Variants in SEMA6D observed in about 807,000 individuals in gnomAD.
The protein encoded by SEMA6D is semaphorin-6D.
In SEMA6D, 35 loss-of-function variants were observed where a neutral mutation model predicts 106.6. The observed-to-expected ratio is 0.33, with a 90% CI of 0.25 to 0.44. The LOEUF is 0.44. Among genes scored for constraint, SEMA6D ranks in the 20% least tolerant of loss-of-function variants. SEMA6D has a pLI of 1.00. For synonymous variants in SEMA6D, 499 were observed against 487.7 expected, an observed-to-expected ratio of 1.02 and a Z score of -0.31; for missense variants, 1,185 against 1,345.9, an observed-to-expected ratio of 0.88 and a Z score of 1.87.
chr15:47,681,675 CAA>C (rs1182246675), intron 4 of SEMA6D, among the ~76,000 whole-genome samples: 31 of 152,180 alleles, frequency 2.0e-4, no homozygotes, highest in African/African-American at 6.8e-4. Flanking sequence ...CTTTATTAGT[CAA>C]TCACTATATG....
rs1555428920 is a variant in SEMA6D at position 47,367,678 on chromosome 15, A to ACGTGCG, written c.-238-44713_-238-44712insTGCGCG. Among the ~76,000 whole-genome samples the ACGTGCG allele has an allele frequency of 9.4e-5, 13 of 137,632 alleles. No individual in the cohort carries two copies. The East Asian group carries it at 2.1e-3, about 22-fold the overall frequency. The allele number at this position is 137,632 out of a possible 152,430, so 90.3% of individuals were successfully genotyped here. On this transcript the variant is annotated intron_variant, in intron 1 of 19. Transcript: ENST00000558014. ...CCTTCCCCTAAACACGCACGCTCAC[A>ACGTGCG]CGCGCGCGCGCGCGCACACACACAC...
intron 1 of SEMA6D, among the ~76,000 whole-genome samples, chr15:47,758,531 T>G (rs975299803): frequency 1.1e-4 from 17 of 152,192 alleles, no homozygotes; most frequent in Non-Finnish European, 1.5e-5. Flanking sequence ...CTAATTCATC[T>G]TTTTAATAAG....
At chr15:47,313,303 A>T (rs2036517464) in intron 1 of SEMA6D, among the ~76,000 whole-genome samples, 1 of 152,124 alleles carries the variant, frequency 6.6e-6, no homozygotes, top group Admixed American at 6.5e-5. Flanking sequence ...CCTGATGGTG[A>T]CCACTGATCT....
chr15:47,301,365 A>G (rs2036010124), intron 1 of SEMA6D, among the ~76,000 whole-genome samples: 1 of 150,472 alleles, frequency 6.6e-6, no homozygotes, highest in Admixed American at 6.7e-5. Context: ...CAGACTATCT[A>G]CTGTCAGAAA....
intron 3 of SEMA6D, among the ~76,000 whole-genome samples, chr15:47,476,650 G>C (rs2043009550): frequency 6.6e-6 from 1 of 152,044 alleles, no homozygotes. Flanking sequence ...TGGGGGTGGG[G>C]GGAGCATGAA....
At chr15:47,667,307 T>C (rs1391312939) in intron 4 of SEMA6D, among the ~76,000 whole-genome samples, 2 of 152,198 alleles carry the variant, frequency 1.3e-5, no homozygotes, top group African/African-American at 2.4e-5. Context: ...TACATAACAC[T>C]AGGAGTAAGT....
Position 47,347,545 on chromosome 15 carries a change from G to A in SEMA6D, c.-238-64848G>A, listed in dbSNP as rs574832304. 1.1e-4 allele frequency among the ~76,000 whole-genome samples: 16 copies of A among 152,082 alleles called. 1 individual carries two copies. The South Asian group carries it at 3.3e-3, about 32-fold the overall frequency. On this transcript the variant is annotated intron_variant, in intron 1 of 19. Transcript: ENST00000558014. The stretch of plus-strand genomic sequence containing the variant: ...AACTAGAGATATATAAAAACCCACG[G>A]GTAATAAAAGTGTTCAAAGTAATAG...
intron 3 of SEMA6D, among the ~76,000 whole-genome samples, chr15:47,519,477 A>ATC (rs1405187582): frequency 1.3e-5 from 2 of 152,226 alleles, no homozygotes; most frequent in African/African-American, 4.8e-5. Context: ...TTAAGGGGAA[A>ATC]TCTAGTAATC....
chr15:47,215,285 CATT>C (rs1458479639), intron 1 of SEMA6D, among the ~76,000 whole-genome samples: 4 of 151,694 alleles, frequency 2.6e-5, no homozygotes, highest in African/African-American at 4.9e-5. Context: ...TCTAAACTCT[CATT>C]ATTGGAACCA....
At chr15:47,197,449 C>T (rs1015079107) in intron 1 of SEMA6D, among the ~76,000 whole-genome samples, 1 of 150,814 alleles carries the variant, frequency 6.6e-6, no homozygotes, top group Non-Finnish European at 1.5e-5. Flanking sequence ...ATAGACTGCT[C>T]TTCTATCTTG....
intron 1 of SEMA6D, among the ~76,000 whole-genome samples, chr15:47,282,211 G>A (rs985604031): frequency 1.3e-5 from 2 of 152,098 alleles, no homozygotes; most frequent in African/African-American, 2.4e-5. Flanking sequence ...ACTCCACTTT[G>A]TCATGATCCC....
chr15:47,372,867 G>T (rs1208649406), intron 1 of SEMA6D, among the ~76,000 whole-genome samples: 1 of 152,106 alleles, frequency 6.6e-6, no homozygotes, highest in Non-Finnish European at 1.5e-5. Flanking sequence ...GACTGCCCAG[G>T]GTCATTTTCA....
At chr15:47,497,472 C>G (rs1405950457) in intron 3 of SEMA6D, among the ~76,000 whole-genome samples, 1 of 152,080 alleles carries the variant, frequency 6.6e-6, no homozygotes, top group Non-Finnish European at 1.5e-5. Context: ...ATCACATTAA[C>G]ACTGCTATTT....
chr15:47,346,670 C>G (rs2038059048), intron 1 of SEMA6D, among the ~76,000 whole-genome samples: 1 of 152,126 alleles, frequency 6.6e-6, no homozygotes, highest in Non-Finnish European at 1.5e-5. Flanking sequence ...TTGCTTATCT[C>G]TTTCTCTATT....
intron 1 of SEMA6D, among the ~76,000 whole-genome samples, chr15:47,298,208 A>G (rs1459395077): frequency 6.6e-6 from 1 of 152,164 alleles, no homozygotes; most frequent in African/African-American, 2.4e-5. Context: ...CGGAGCTCGC[A>G]CTGGGAATAG....
chr15:47,300,304 A>T (rs1006281116), intron 1 of SEMA6D, among the ~76,000 whole-genome samples: 1 of 152,130 alleles, frequency 6.6e-6, no homozygotes, highest in African/African-American at 2.4e-5. Flanking sequence ...AACCTGGGCC[A>T]CTTGAAAACT....
chr15:47,327,044 G>A (rs1035596903), intron 1 of SEMA6D, among the ~76,000 whole-genome samples: 16 of 152,158 alleles, frequency 1.1e-4, no homozygotes, highest in African/African-American at 3.6e-4. Context: ...CATCTTGGAT[G>A]ATCAGGTATT....
intron 4 of SEMA6D, among the ~76,000 whole-genome samples, chr15:47,704,443 G>A (rs2078874361): frequency 6.6e-6 from 1 of 152,140 alleles, no homozygotes; most frequent in African/African-American, 2.4e-5. Context: ...TTGAGGCCAG[G>A]AACAGCAGCT....
intron 1 of SEMA6D, among the ~76,000 whole-genome samples, chr15:47,299,239 C>T (rs2035925963): frequency 6.6e-6 from 1 of 152,206 alleles, no homozygotes; most frequent in African/African-American, 2.4e-5. Context: ...TGCTTTCCAA[C>T]TAATCCTTTC....
Sources: gnomAD v4.1 joint callset for allele counts (sites outside exome capture counted in the v4.1 genomes callset) on GRCh38, gnomAD v4.1.1 for gene constraint, MANE v1.5 for transcripts, NCBI Gene and HGNC (gene_info 2026-07-23, HGNC 2026-07-21) for gene names.